Variants in NT5DC1 observed in about 807,000 individuals in gnomAD.
NT5DC1 encodes the protein 5'-nucleotidase domain containing 1.
In NT5DC1, 42 loss-of-function variants were observed where a neutral mutation model predicts 59.4. The ratio of observed to expected loss-of-function variants is 0.71; its 90% CI spans 0.55 to 0.92. The LOEUF (loss-of-function observed/expected upper bound fraction) is 0.92, where lower values mean the gene tolerates loss of function less well. Among genes scored for constraint, NT5DC1 ranks in the 40% least tolerant of loss-of-function variants. The pLI is 0.00. For synonymous variants in NT5DC1, 172 were observed against 188.1 expected, an observed-to-expected ratio of 0.91 and a Z score of 0.70; for missense variants, 501 against 537.1, an observed-to-expected ratio of 0.93 and a Z score of 0.66.
intron 2 of NT5DC1, 65 bp downstream of exon 2, chr6:116,106,400 T>C (rs1778769791): frequency 1.3e-6 from 1 of 742,784 alleles, no homozygotes; most frequent in African/African-American, 1.8e-5. Context: ...TTGTTACTGA[T>C]AAAACTGTAA....
At chr6:116,159,364 A>G (rs963573898) in intron 6 of NT5DC1, among the ~76,000 whole-genome samples, 1 of 152,190 alleles carries the variant, frequency 6.6e-6, no homozygotes, top group Non-Finnish European at 1.5e-5. Context: ...TTTAATTCAC[A>G]TGCTTTATCC....
chr6:116,243,409 ATGT>A (rs1771775150), intron 11 of NT5DC1, among the ~76,000 whole-genome samples: 1 of 152,146 alleles, frequency 6.6e-6, no homozygotes, highest in Admixed American at 6.5e-5. Flanking sequence ...ATATCTCTAA[ATGT>A]GATTTGACTT....
rs1286939352 is a variant in NT5DC1, at chr6:116,195,729, A to G, written c.530-25325A>G. ...TTGTTAGCTAAATATATTCATTAAGATTGAAGTGTAGGCAGATTTAGATCA... is the reference window on the plus strand; with the variant it reads ...TTGTTAGCTAAATATATTCATTAAGGTTGAAGTGTAGGCAGATTTAGATCA... On this transcript the variant is annotated intron_variant, in intron 6 of 11. Coordinates refer to ENST00000319550, the MANE Select transcript of NT5DC1 (RefSeq NM_152729.3). Among the ~76,000 whole-genome samples, 3 of 152,200 alleles carry G rather than the reference A, an allele frequency of 2.0e-5. No individual in the cohort carries two copies. In the East Asian group the frequency reaches 5.8e-4, roughly 30 times the overall value.
chr6:116,157,915 A>G (rs943538447), intron 6 of NT5DC1, among the ~76,000 whole-genome samples: 24 of 152,192 alleles, frequency 1.6e-4, no homozygotes, highest in Non-Finnish European at 3.4e-4. Context: ...CAGAAATAAA[A>G]TGTCTCAAAC....
At chr6:116,122,054 G>A (rs1779148448) in intron 6 of NT5DC1, 3 of 1,058,932 alleles carry the variant, frequency 2.8e-6, no homozygotes, top group East Asian at 2.4e-5. Flanking sequence ...ATTGGGACAC[G>A]ATATTTCAGC....
chr6:116,186,396 G>C (rs969550206), intron 6 of NT5DC1, among the ~76,000 whole-genome samples: 2 of 151,408 alleles, frequency 1.3e-5, no homozygotes, highest in African/African-American at 4.9e-5. Flanking sequence ...GTTCTTCCCA[G>C]AGCTGCTTGT....
chr6:116,125,364 G>A (rs1779265224), intron 6 of NT5DC1: 2 of 1,613,832 alleles, frequency 1.2e-6, no homozygotes, highest in Middle Eastern at 1.7e-4. Context: ...TGTAGGGAAT[G>A]AAGAACTGTG....
chr6:116,238,627 C>T (rs879661508), intron 10 of NT5DC1, among the ~76,000 whole-genome samples: 1 of 152,022 alleles, frequency 6.6e-6, no homozygotes, highest in African/African-American at 2.4e-5. Context: ...TGTTTTTTAA[C>T]TACCCTTTAG....
chr6:116,228,597 G>A (rs894323676), intron 8 of NT5DC1, among the ~76,000 whole-genome samples: 1 of 151,970 alleles, frequency 6.6e-6, no homozygotes, highest in South Asian at 2.1e-4. Context: ...TGTTTTCTAG[G>A]CCTCTGATTT....
chr6:116,126,933 T>TA (rs1219491349), intron 6 of NT5DC1, among the ~76,000 whole-genome samples: 2 of 152,194 alleles, frequency 1.3e-5, no homozygotes, highest in Non-Finnish European at 2.9e-5. Flanking sequence ...AAGTAAACAC[T>TA]ATTGTTGTCA....
intron 7 of NT5DC1, among the ~76,000 whole-genome samples, 179 bp from the exon 8 acceptor site, chr6:116,222,855 C>T (rs1009025293): frequency 2.0e-5 from 3 of 152,142 alleles, no homozygotes; most frequent in African/African-American, 7.2e-5. Flanking sequence ...TACTCACCCA[C>T]CTTCTATTTC....
intron 8 of NT5DC1, among the ~76,000 whole-genome samples, chr6:116,225,646 A>G (rs1360929761): frequency 2.6e-5 from 4 of 152,220 alleles, no homozygotes; most frequent in African/African-American, 9.6e-5. Context: ...GTGGTGGGAT[A>G]GAAACTAAAT....
chr6:116,209,477 A>G (rs1295723200), intron 6 of NT5DC1, among the ~76,000 whole-genome samples: 2 of 152,050 alleles, frequency 1.3e-5, no homozygotes, highest in Non-Finnish European at 2.9e-5. Flanking sequence ...GAGTCTCAGA[A>G]GAAAGAAAAA....
At chr6:116,128,237 C>T (rs1249947515) in intron 6 of NT5DC1, among the ~76,000 whole-genome samples, 1 of 152,100 alleles carries the variant, frequency 6.6e-6, no homozygotes, top group Non-Finnish European at 1.5e-5. Context: ...AAATAGTGTA[C>T]TTATTTCAGC....
chr6:116,207,849 C>T (rs756715054), intron 6 of NT5DC1, among the ~76,000 whole-genome samples: 32 of 151,892 alleles, frequency 2.1e-4, no homozygotes, highest in Non-Finnish European at 3.4e-4. Flanking sequence ...TGCCTCATTA[C>T]TGATCATTAT....
chr6:116,220,439 C>T (rs1781775600), intron 6 of NT5DC1, among the ~76,000 whole-genome samples: 3 of 152,146 alleles, frequency 2.0e-5, no homozygotes, highest in Admixed American at 6.5e-5. Context: ...TTCAGTGATG[C>T]GAGTCATTCA....
chr6:116,163,529 T>C (rs1451998110), intron 6 of NT5DC1, among the ~76,000 whole-genome samples: 1 of 152,110 alleles, frequency 6.6e-6, no homozygotes, highest in Non-Finnish European at 1.5e-5. Context: ...TTTAATCTAG[T>C]TAGTAGTCTA....
rs544224531 is a variant in NT5DC1, at chr6:116,246,225, A to C, written c.*2201A>C. The C allele has an allele frequency of 3.3e-5, 5 of 152,292 alleles. No homozygotes were observed. The South Asian group carries it at 1.0e-3, about 32-fold the overall frequency. 9.4% of individuals were successfully genotyped at this position (152,292 alleles called of 1,614,324 possible). A position where few individuals can be genotyped will look rare whatever the true frequency, so the allele number is the denominator to read the frequency against. On this transcript the variant is annotated 3_prime_UTR_variant, in exon 12 of 12. Transcript: ENST00000319550. ...TTCATAATCTAAAGGACACCTAAAAATAGATGTAAGCGAGCGGAGGTTTTC... is the reference window on the plus strand; with the variant it reads ...TTCATAATCTAAAGGACACCTAAAACTAGATGTAAGCGAGCGGAGGTTTTC...
chr6:116,246,857 T>G lies in NT5DC1; in HGVS notation c.*2833T>G, dbSNP rs1771857875. 6.6e-6 allele frequency: 1 copy of G among 152,168 alleles called. No homozygotes were observed. Among genetic ancestry groups the G allele is most frequent in the Non-Finnish European group, 1.5e-5 (1 of 68,020 alleles). The allele number at this position is 152,168 out of a possible 1,614,324, so 9.4% of individuals were successfully genotyped here. On this transcript the variant is annotated 3_prime_UTR_variant, in exon 12 of 12. Coordinates refer to ENST00000319550, the MANE Select transcript of NT5DC1 (RefSeq NM_152729.3). ...TCCACATAGAATGAATTCAGAAAGG[T>G]GTCTCTTGTTGGTCTCTAGAACTAT... is the stretch of plus-strand genomic sequence containing the variant.
Sources: allele counts gnomAD v4.1 joint callset (sites outside exome capture counted in the v4.1 genomes callset), GRCh38; gene constraint gnomAD v4.1.1; transcripts MANE v1.5; gene names NCBI Gene and HGNC (gene_info 2026-07-23, HGNC 2026-07-21).